IPO11: variants seen among roughly 807,000 people sequenced by gnomAD.
The protein encoded by IPO11 is importin-11.
In IPO11, 66 loss-of-function variants were observed where a neutral mutation model predicts 143.2. The observed-to-expected ratio is 0.46, with a 90% CI of 0.38 to 0.57. The LOEUF (loss-of-function observed/expected upper bound fraction) is 0.57, where lower values mean the gene tolerates loss of function less well. Among genes scored for constraint, IPO11 ranks in the 20% least tolerant of loss-of-function variants. The pLI is 0.00. For missense variants in IPO11, 1,026 were observed against 1,141.0 expected, an observed-to-expected ratio of 0.90 and a Z score of 1.45; for synonymous variants, 385 against 377.8, an observed-to-expected ratio of 1.02 and a Z score of -0.22.
intron 4 of IPO11, among the ~76,000 whole-genome samples, chr5:62,451,406 G>A (rs549964727): frequency 5.3e-4 from 80 of 152,192 alleles, no homozygotes; most frequent in African/African-American, 1.7e-3. Flanking sequence ...GCATTTTTAG[G>A]GTCTGGCTAT....
chr5:62,545,802 C>T (rs192852687), intron 24 of IPO11, among the ~76,000 whole-genome samples: 3,262 of 152,276 alleles, frequency 0.021, 126 homozygotes, highest in African/African-American at 0.075. Context: ...TGAACAGACA[C>T]TTCTCAAAAG....
chr5:62,580,513 A>G, intron 27 of IPO11: 1 of 1,551,434 alleles, frequency 6.4e-7, no homozygotes, highest in Admixed American at 2.0e-5. Flanking sequence ...GGCAAATTCT[A>G]ATCCTTGGGA....
intron 17 of IPO11, 78 bp downstream of exon 17, chr5:62,504,778 A>T (rs1741486869): frequency 7.5e-7 from 1 of 1,328,394 alleles, no homozygotes. Flanking sequence ...TTGTGAAATT[A>T]ATTTATGTAT....
intron 16 of IPO11, among the ~76,000 whole-genome samples, chr5:62,495,741 G>A (rs556264540): frequency 2.0e-5 from 3 of 152,246 alleles, no homozygotes; most frequent in African/African-American, 7.2e-5. Flanking sequence ...AAAGTGTTGG[G>A]ATTATAGGCG....
chr5:62,579,604 A>C, intron 27 of IPO11: 1 of 1,551,090 alleles, frequency 6.4e-7, no homozygotes, highest in Non-Finnish European at 8.7e-7. Context: ...GAGTATTCCT[A>C]AGAATTTTCC....
At chr5:62,430,730 T>C (rs1388720737) in intron 1 of IPO11, among the ~76,000 whole-genome samples, 1 of 150,034 alleles carries the variant, frequency 6.7e-6, no homozygotes, top group African/African-American at 2.5e-5. Flanking sequence ...GAGGCTGGAG[T>C]GCAGTGGCGC....
At chr5:62,613,095 T>C (rs1458592007) in intron 29 of IPO11, among the ~76,000 whole-genome samples, 2 of 152,308 alleles carry the variant, frequency 1.3e-5, no homozygotes, top group East Asian at 3.9e-4. Context: ...TTTTTCTTAA[T>C]TATGAGTGAG....
At chr5:62,582,623 A>G (rs1031767093) in intron 27 of IPO11, among the ~76,000 whole-genome samples, 2 of 152,192 alleles carry the variant, frequency 1.3e-5, no homozygotes, top group African/African-American at 4.8e-5. Context: ...AACAATAACC[A>G]TTTAAGCTGT....
intron 22 of IPO11, 43 bp downstream of exon 22, chr5:62,530,828 C>T (rs762366020): frequency 1.3e-5 from 19 of 1,457,990 alleles, no homozygotes; most frequent in Admixed American, 8.7e-5. Flanking sequence ...TTGAATGCAA[C>T]CATAATTGGG....
intron 2 of IPO11, among the ~76,000 whole-genome samples, chr5:62,440,100 TAG>T (rs2112137376): frequency 6.6e-6 from 1 of 152,310 alleles, no homozygotes; most frequent in South Asian, 2.1e-4. Flanking sequence ...GGCACTGTGC[TAG>T]ATTCTAGGCG....
chr5:62,443,056 A>T lies in IPO11; in HGVS notation c.212A>T (p.Asp71Val). Residue 71 changes from aspartate (D) to valine (V), a missense_variant, in exon 3 of 30, where the codon GAT becomes GTT. Physicochemically the swap from Asp to Val is radical, Grantham distance 152 (BLOSUM62 -3). This residue lies in a region of IPO11 where 429 missense variants were observed against 456.3 expected (regional missense o/e 0.94). Transcript: ENST00000325324. ...LAVLYFKHGI[D>V]RYWRRVAPHA... ...GTACTGTATTTTAAACATGGAATTG[A>T]TCGCTACTGGAGACGTGTAGCACCT... 6.2e-7 allele frequency: 1 copy of T among 1,611,702 alleles called. No homozygotes were observed. The highest frequency in any genetic ancestry group is 8.5e-7 in the Non-Finnish European group (1 of 1,178,498).
At chr5:62,492,966 T>C (rs1449151029) in intron 15 of IPO11, among the ~76,000 whole-genome samples, 1 of 152,246 alleles carries the variant, frequency 6.6e-6, no homozygotes, top group African/African-American at 2.4e-5. Context: ...CACTAAAATT[T>C]ACATAATATC....
intron 3 of IPO11, among the ~76,000 whole-genome samples, chr5:62,449,470 C>T (rs766561819): frequency 8.6e-5 from 13 of 152,006 alleles, no homozygotes; most frequent in Non-Finnish European, 1.3e-4. Flanking sequence ...ATGAAAGAAG[C>T]CAATGGAGTG....
intron 8 of IPO11, among the ~76,000 whole-genome samples, chr5:62,474,722 C>G (rs1745894629): frequency 6.6e-6 from 1 of 152,146 alleles, no homozygotes; most frequent in South Asian, 2.1e-4. Context: ...TAGCTTTTGC[C>G]TCATATACAG....
intron 26 of IPO11, among the ~76,000 whole-genome samples, chr5:62,556,090 T>C (rs372289880): frequency 1.3e-5 from 2 of 152,202 alleles, no homozygotes; most frequent in East Asian, 3.8e-4. Flanking sequence ...ACATTGATAT[T>C]TTTCTTTGGG....
chr5:62,572,490 A>G (rs1412717049), intron 27 of IPO11, among the ~76,000 whole-genome samples: 3 of 152,038 alleles, frequency 2.0e-5, no homozygotes, highest in African/African-American at 4.8e-5. Context: ...ATACCTTTAA[A>G]CTATAATATC....
At chr5:62,415,980 T>C (rs912089196) in intron 1 of IPO11, among the ~76,000 whole-genome samples, 1 of 152,076 alleles carries the variant, frequency 6.6e-6, no homozygotes, top group African/African-American at 2.4e-5. Context: ...ATACCTTATA[T>C]TGGGTAGCTT....
chr5:62,432,693 C>A (rs1341954820), intron 1 of IPO11, among the ~76,000 whole-genome samples: 1 of 152,186 alleles, frequency 6.6e-6, no homozygotes, highest in African/African-American at 2.4e-5. Flanking sequence ...AGGAGAGGGT[C>A]TGTGGAGCTA....
In IPO11 at chr5:62,591,764, G is replaced by T. The variant is rs1051524549; in HGVS notation, c.2678+92G>T. 16 of 705,126 alleles carry T rather than the reference G, an allele frequency of 2.3e-5. No homozygotes were observed. The East Asian group carries it at 5.0e-4, about 22-fold the overall frequency. 43.7% of individuals were successfully genotyped at this position (705,126 alleles called of 1,614,324 possible). ...TTTTCACCATCACTCTATAAGCACA[G>T]TATGAAAGTTTTATAATTTCTCTTT... is the stretch of plus-strand genomic sequence containing the variant. On this transcript the variant is annotated intron_variant, in intron 28 of 29. Coordinates refer to ENST00000325324, the MANE Select transcript of IPO11 (RefSeq NM_016338.5).
Sources: gnomAD v4.1 joint callset for allele counts (sites outside exome capture counted in the v4.1 genomes callset) on GRCh38, gnomAD v4.1.1 for gene constraint, gnomAD v4.1.1 regional missense constraint, MANE v1.5 for transcripts, NCBI Gene and HGNC (gene_info 2026-07-23, HGNC 2026-07-21) for gene names.